The following IKZF2 variants were observed in gnomAD, a reference collection of about 807,000 sequenced individuals.
IKZF2 encodes IKAROS family zinc finger 2.
Under a neutral mutation model 49.2 loss-of-function variants are expected in IKZF2, and 15 were observed. The observed-to-expected ratio is 0.30, with a 90% CI of 0.20 to 0.47. IKZF2 has a LOEUF of 0.47. IKZF2 is among the 20% of genes least tolerant of loss of function. IKZF2 has a pLI of 1.00. For synonymous variants in IKZF2, 227 were observed against 221.4 expected, an observed-to-expected ratio of 1.03 and a Z score of -0.23; for missense variants, 567 against 664.6, an observed-to-expected ratio of 0.85 and a Z score of 1.61.
At chr2:213,082,527 T>C (rs1413140798) in intron 4 of IKZF2, among the ~76,000 whole-genome samples, 2 of 152,184 alleles carry the variant, frequency 1.3e-5, no homozygotes, top group Non-Finnish European at 2.9e-5. Flanking sequence ...ATGTTAGCAA[T>C]GAAGCAAACC....
At chr2:213,029,513 T>C (rs1016599953) in intron 6 of IKZF2, among the ~76,000 whole-genome samples, 1 of 152,050 alleles carries the variant, frequency 6.6e-6, no homozygotes, top group Non-Finnish European at 1.5e-5. Flanking sequence ...TTCTAGATGA[T>C]GCCAAATTAT....
At chr2:213,028,906 G>A (rs1698113583) in intron 6 of IKZF2, among the ~76,000 whole-genome samples, 1 of 151,968 alleles carries the variant, frequency 6.6e-6, no homozygotes, top group Non-Finnish European at 1.5e-5. Context: ...TACTTTTTCT[G>A]AAACTTTAAA....
intron 4 of IKZF2, among the ~76,000 whole-genome samples, chr2:213,120,238 T>C (rs2060008064): frequency 6.6e-6 from 1 of 152,170 alleles, no homozygotes; most frequent in South Asian, 2.1e-4. Flanking sequence ...CATAAAACAA[T>C]AGCAATACAA....
Position 213,013,606 on chromosome 2 carries a change from T to A in IKZF2, c.856+185A>T, listed in dbSNP as rs539862685. Among the ~76,000 whole-genome samples, 3 of 152,138 alleles carry A rather than the reference T, an allele frequency of 2.0e-5. No individual in the cohort carries two copies. The East Asian group carries it at 5.8e-4, about 29-fold the overall frequency. On this transcript the variant is annotated intron_variant, in intron 8 of 8. Transcript: ENST00000434687. ...TATCAGTCTTTATCTCTCATATGTATTTGTGTGTGTTGGTGTAAGTGTGGT... is the reference window on the plus strand; with the variant it reads ...TATCAGTCTTTATCTCTCATATGTAATTGTGTGTGTTGGTGTAAGTGTGGT...
At chr2:213,147,031 C>T (rs894261867) in intron 4 of IKZF2, among the ~76,000 whole-genome samples, 2 of 152,068 alleles carry the variant, frequency 1.3e-5, no homozygotes, top group African/African-American at 4.8e-5. Flanking sequence ...CTGTCACTGA[C>T]AGCATGTAAG....
At chr2:213,044,823 G>A (rs1699997219) in intron 6 of IKZF2, among the ~76,000 whole-genome samples, 1 of 152,108 alleles carries the variant, frequency 6.6e-6, no homozygotes, top group Non-Finnish European at 1.5e-5. Flanking sequence ...TGATTTGAAG[G>A]GTTATAGAAT....
chr2:213,035,826 G>C (rs4673718), intron 6 of IKZF2, among the ~76,000 whole-genome samples: 1 of 151,842 alleles, frequency 6.6e-6, no homozygotes, highest in Non-Finnish European at 1.5e-5. Context: ...GAGTGACATG[G>C]TTTAAATCAG....
chr2:213,076,915 T>G (rs984408130), intron 4 of IKZF2, among the ~76,000 whole-genome samples: 5 of 151,902 alleles, frequency 3.3e-5, no homozygotes, highest in East Asian at 1.9e-4. Context: ...AAAAAATAAA[T>G]AAATAAAAGA....
At chr2:213,008,501 CG>C in intron 8 of IKZF2, among the ~76,000 whole-genome samples, 1 of 151,880 alleles carries the variant, frequency 6.6e-6, no homozygotes, top group South Asian at 2.1e-4. Context: ...CAAAGTGTTA[CG>C]ATTACAGGCA....
chr2:213,137,775 A>G (rs1229984661), intron 4 of IKZF2, among the ~76,000 whole-genome samples: 1 of 152,128 alleles, frequency 6.6e-6, no homozygotes, highest in Non-Finnish European at 1.5e-5. Flanking sequence ...GCCATGAAAG[A>G]AAATGTTTTA....
At chr2:213,013,532 T>A (rs893719711) in intron 8 of IKZF2, among the ~76,000 whole-genome samples, 8 of 152,056 alleles carry the variant, frequency 5.3e-5, no homozygotes, top group African/African-American at 1.7e-4. Flanking sequence ...TTTTCTATTT[T>A]ACATGTTATT....
intron 4 of IKZF2, among the ~76,000 whole-genome samples, chr2:213,146,759 C>CGGA (rs1553604931): frequency 1.1e-5 from 1 of 87,168 alleles, no homozygotes; most frequent in African/African-American, 3.9e-5. Context: ...ATTAAATCTT[C>CGGA]GGGGGGGGGG....
At chr2:213,027,391 T>A (rs1002671837) in intron 6 of IKZF2, among the ~76,000 whole-genome samples, 2 of 152,142 alleles carry the variant, frequency 1.3e-5, no homozygotes, top group African/African-American at 4.8e-5. Flanking sequence ...GAGTTAATAA[T>A]CGTCTCACTT....
intron 5 of IKZF2, among the ~76,000 whole-genome samples, chr2:213,055,717 C>T (rs1701082353): frequency 6.6e-6 from 1 of 152,006 alleles, no homozygotes; most frequent in South Asian, 2.1e-4. Flanking sequence ...CCTTTACCTA[C>T]ATAAGGGATA....
chr2:213,008,773 A>T (rs760983859), intron 8 of IKZF2, among the ~76,000 whole-genome samples: 2 of 152,092 alleles, frequency 1.3e-5, no homozygotes, highest in Non-Finnish European at 2.9e-5. Context: ...ATTAGTGACC[A>T]AGCTACAAAG....
At chr2:213,117,540 G>A (rs1262261616) in intron 4 of IKZF2, among the ~76,000 whole-genome samples, 1 of 152,176 alleles carries the variant, frequency 6.6e-6, no homozygotes, top group Non-Finnish European at 1.5e-5. Context: ...GCTGCTAACT[G>A]CACAACAGTC....
At chr2:213,030,275 TA>T (rs748630802) in intron 6 of IKZF2, among the ~76,000 whole-genome samples, 35 of 152,264 alleles carry the variant, frequency 2.3e-4, no homozygotes, top group Non-Finnish European at 3.1e-4. Flanking sequence ...TTTTTTTTTC[TA>T]AATCTTTAGA....
chr2:213,127,831 T>C (rs750109685), intron 4 of IKZF2, among the ~76,000 whole-genome samples: 1 of 152,140 alleles, frequency 6.6e-6, no homozygotes, highest in South Asian at 2.1e-4. Context: ...ATTAACTAAC[T>C]TAAGAATACA....
chr2:213,014,815 A>G (rs1336036052), intron 7 of IKZF2: 1 of 152,010 alleles, frequency 6.6e-6, no homozygotes, highest in African/African-American at 2.4e-5. Context: ...GACAAGGCGA[A>G]TCAGTTGATT....
Sources: gnomAD v4.1 joint callset for allele counts (sites outside exome capture counted in the v4.1 genomes callset) on GRCh38, gnomAD v4.1.1 for gene constraint, MANE v1.5 for transcripts, NCBI Gene and HGNC (gene_info 2026-07-23, HGNC 2026-07-21) for gene names.